The following PIK3C2B variants were observed in gnomAD, a reference collection of about 807,000 sequenced individuals.
PIK3C2B encodes phosphatidylinositol 4-phosphate 3-kinase C2 domain-containing subunit beta.
A neutral mutation model predicts 184.3 loss-of-function variants in PIK3C2B; 83 were observed. That is an observed-to-expected ratio of 0.45 (90% CI 0.38 to 0.54). PIK3C2B has a LOEUF of 0.54. Ranked by LOEUF, PIK3C2B falls within the 20% of genes least tolerant of loss-of-function variation. PIK3C2B has a pLI of 0.00. For missense variants in PIK3C2B, 1,736 were observed against 2,113.5 expected, an observed-to-expected ratio of 0.82 and a Z score of 3.50; for synonymous variants, 779 against 837.6, an observed-to-expected ratio of 0.93 and a Z score of 1.21.
chr1:204,434,368 T>C, intron 24 of PIK3C2B, 71 bp downstream of exon 24: 1 of 1,386,882 alleles, frequency 7.2e-7, no homozygotes, highest in East Asian at 2.3e-5. Flanking sequence ...TGGGCTTGTG[T>C]CCCAGCTCTG....
intron 1 of PIK3C2B, among the ~76,000 whole-genome samples, chr1:204,489,024 G>A (rs746121723): frequency 9.9e-5 from 15 of 152,056 alleles, no homozygotes; most frequent in Admixed American, 4.6e-4. Context: ...TTCAGGACTC[G>A]AGCCTCATGA....
At chr1:204,461,334 G>T (rs2999484) in intron 5 of PIK3C2B, among the ~76,000 whole-genome samples, 97,430 of 152,060 alleles carry the variant, frequency 0.64, 35,122 homozygotes, top group Non-Finnish European at 0.8. Context: ...CTTTCAGAGA[G>T]AAGGCCTAGG....
chr1:204,461,572 T>C (rs1259013246), intron 5 of PIK3C2B, among the ~76,000 whole-genome samples: 1 of 152,034 alleles, frequency 6.6e-6, no homozygotes, highest in Non-Finnish European at 1.5e-5. Flanking sequence ...GGGGGCAGTA[T>C]ATGTAAAAGC....
chr1:204,489,907 T>C (rs1160499916), intron 1 of PIK3C2B: 2 of 395,602 alleles, frequency 5.1e-6, no homozygotes, highest in African/African-American at 2.1e-5. Flanking sequence ...CCTTATAACT[T>C]ACGGTTTGCT....
intron 20 of PIK3C2B, 147 bp downstream of exon 20, chr1:204,442,379 A>C: frequency 1.7e-6 from 1 of 597,534 alleles, no homozygotes; most frequent in Non-Finnish European, 3.0e-6. Context: ...CCTGAGGAAA[A>C]GATGCTAGGC....
At chr1:204,465,876 C>T (rs187870630) in intron 2 of PIK3C2B, among the ~76,000 whole-genome samples, 78 of 152,320 alleles carry the variant, frequency 5.1e-4, no homozygotes, top group Admixed American at 4.6e-3. Flanking sequence ...TGGGTAAATG[C>T]TATTTGAGGA....
At chr1:204,480,088 G>A (rs531289653) in intron 1 of PIK3C2B, among the ~76,000 whole-genome samples, 85 of 152,352 alleles carry the variant, frequency 5.6e-4, no homozygotes, top group Admixed American at 4.1e-3. Context: ...TACTTCAAAC[G>A]AGGGCCCAGC....
intron 2 of PIK3C2B, among the ~76,000 whole-genome samples, chr1:204,467,766 C>T (rs1655925525): frequency 7.0e-6 from 1 of 143,412 alleles, no homozygotes; most frequent in Non-Finnish European, 1.5e-5. Context: ...ACCCGGGAGG[C>T]AGAGGCTGCA....
At chr1:204,436,254 G>A (rs1346754424) in intron 23 of PIK3C2B, among the ~76,000 whole-genome samples, 1 of 152,130 alleles carries the variant, frequency 6.6e-6, no homozygotes, top group East Asian at 1.9e-4. Flanking sequence ...GCATTGCTGG[G>A]GGTGGTGGCT....
intron 12 of PIK3C2B, among the ~76,000 whole-genome samples, chr1:204,453,457 G>T (rs754492965): frequency 6.6e-6 from 1 of 152,052 alleles, no homozygotes; most frequent in Non-Finnish European, 1.5e-5. Flanking sequence ...ATCTCATCTC[G>T]ACGCCATAAC....
intron 1 of PIK3C2B, among the ~76,000 whole-genome samples, chr1:204,472,472 G>A (rs1028787389): frequency 7.3e-5 from 11 of 151,568 alleles, no homozygotes; most frequent in African/African-American, 2.4e-4. Flanking sequence ...CCGACTGGGG[G>A]AAGTTTTAAA....
At chr1:204,472,265 G>T (rs1370671640) in intron 1 of PIK3C2B, among the ~76,000 whole-genome samples, 19 of 151,254 alleles carry the variant, frequency 1.3e-4, no homozygotes, top group Admixed American at 1.1e-3. Flanking sequence ...CCAGGTTCAT[G>T]CCATTCTCCT....
intron 1 of PIK3C2B, among the ~76,000 whole-genome samples, chr1:204,480,454 T>C (rs1205034717): frequency 1.3e-5 from 2 of 152,078 alleles, no homozygotes; most frequent in African/African-American, 2.4e-5. Context: ...GAAGGGAGGC[T>C]GGCATGGTGG....
Position 204,441,580 on chromosome 1 carries a change from A to G in PIK3C2B, c.3157-17T>C. On this transcript the variant is annotated splice_polypyrimidine_tract_variant and intron_variant, in intron 20 of 32. Coordinates refer to ENST00000684373, the MANE Select transcript of PIK3C2B (RefSeq NM_001377334.1). ...GGAACAGTCCTGCCATGGTGAAAAG[A>G]TAGTGACGAGGGTCAGAGTGGCCCA... 2 of 1,587,242 alleles carry G rather than the reference A, an allele frequency of 1.3e-6. No homozygotes were observed. Among genetic ancestry groups the G allele is most frequent in the Non-Finnish European group, 1.7e-6 (2 of 1,156,436 alleles).
intron 12 of PIK3C2B, among the ~76,000 whole-genome samples, chr1:204,451,254 T>C (rs999831598): frequency 6.6e-6 from 1 of 152,198 alleles, no homozygotes; most frequent in Admixed American, 6.5e-5. Context: ...GCTGACCCCA[T>C]AGCAAAGGGG....
intron 1 of PIK3C2B, among the ~76,000 whole-genome samples, chr1:204,487,128 C>A (rs568030705): frequency 6.6e-6 from 1 of 151,988 alleles, no homozygotes; most frequent in African/African-American, 2.4e-5. Context: ...TTTAAAGAGA[C>A]AGGGTTTCAC....
chr1:204,481,656 C>T (rs1657159873), intron 1 of PIK3C2B, among the ~76,000 whole-genome samples: 1 of 152,172 alleles, frequency 6.6e-6, no homozygotes. Context: ...CAGCTCCGGC[C>T]CTTCCCCAAG....
At chr1:204,428,892 T>G (rs761975925) in intron 29 of PIK3C2B, 14 of 456,266 alleles carry the variant, frequency 3.1e-5, no homozygotes, top group African/African-American at 8.0e-5. Flanking sequence ...TTCTCTACTT[T>G]TCTGCATGCT....
intron 1 of PIK3C2B, among the ~76,000 whole-genome samples, chr1:204,480,569 AAGAGT>A (rs1471541860): frequency 6.6e-6 from 1 of 152,060 alleles, no homozygotes; most frequent in African/African-American, 2.4e-5. Context: ...TCACACACAT[AAGAGT>A]AGAGGAGGCA....
Sources: gnomAD v4.1 joint callset for allele counts (sites outside exome capture counted in the v4.1 genomes callset) on GRCh38, gnomAD v4.1.1 for gene constraint, MANE v1.5 for transcripts, NCBI Gene and HGNC (gene_info 2026-07-23, HGNC 2026-07-21) for gene names.